PPP2R2C: variants seen among roughly 807,000 people sequenced by gnomAD.
PPP2R2C encodes the protein protein phosphatase 2 regulatory subunit Bgamma.
Under a neutral mutation model 45.3 loss-of-function variants are expected in PPP2R2C, and 10 were observed. The observed-to-expected ratio is 0.22, with a 90% confidence interval of 0.14 to 0.37. The LOEUF (loss-of-function observed/expected upper bound fraction) is 0.37, where lower values mean the gene tolerates loss of function less well. Among genes scored for constraint, PPP2R2C ranks in the 10% least tolerant of loss-of-function variants. PPP2R2C has a pLI of 1.00. For missense variants in PPP2R2C, 308 were observed against 619.7 expected, an observed-to-expected ratio of 0.50 and a Z score of 5.34; for synonymous variants, 257 against 245.4, an observed-to-expected ratio of 1.05 and a Z score of -0.44.
chr4:6,363,841 T>G (rs1175784038), intron 5 of PPP2R2C, among the ~76,000 whole-genome samples: 1 of 152,132 alleles, frequency 6.6e-6, no homozygotes, highest in African/African-American at 2.4e-5. Context: ...AAGGGGAAAC[T>G]GGTGTCCAGG....
At chr4:6,520,166 G>T (rs1723968787) in intron 2 of PPP2R2C, among the ~76,000 whole-genome samples, 1 of 152,038 alleles carries the variant, frequency 6.6e-6, no homozygotes, top group Admixed American at 6.5e-5. Flanking sequence ...ACGCTGGGGA[G>T]TTGAGAGGGG....
intron 1 of PPP2R2C, chr4:6,420,947 A>C: frequency 1.0e-6 from 1 of 985,166 alleles, no homozygotes; most frequent in Non-Finnish European, 1.2e-6. Context: ...GCCACCTACC[A>C]GGCAGGCCTC....
In PPP2R2C at chr4:6,353,121, A is replaced by T. The variant is rs549347154; in HGVS notation, c.626-5111T>A. On this transcript the variant is annotated intron_variant, in intron 5 of 8. Transcript: ENST00000382599. Reference sequence around the variant, plus strand: ...AACTTGTGGCCCCCAGGACGGTGAGAATATATCTGTATTTTGAAGCCATGA... The same window carrying T: ...AACTTGTGGCCCCCAGGACGGTGAGTATATATCTGTATTTTGAAGCCATGA... 1.9e-3 allele frequency among the ~76,000 whole-genome samples: 283 copies of T among 152,094 alleles called. 4 individuals carry two copies. The highest frequency in any genetic ancestry group is 6.6e-3 in the African/African-American group (274 of 41,452).
At chr4:6,508,366 C>A (rs919734430) in intron 2 of PPP2R2C, among the ~76,000 whole-genome samples, 1 of 152,150 alleles carries the variant, frequency 6.6e-6, no homozygotes, top group Admixed American at 6.5e-5. Context: ...GTGGGCGAAT[C>A]ACGAGGTCAG....
In PPP2R2C at chr4:6,333,442, T is replaced by C. The variant is rs1052944467; in HGVS notation, c.960+120A>G. 11 of 1,164,892 alleles carry C rather than the reference T, an allele frequency of 9.4e-6. No homozygotes were observed. The African/African-American group carries it at 1.7e-4, about 18-fold the overall frequency. 72.2% of individuals were successfully genotyped at this position (1,164,892 alleles called of 1,614,324 possible). On this transcript the variant is annotated intron_variant, in intron 7 of 8. Transcript: ENST00000382599. ...AGTTGCTGGATTTCTTCAGCCTCCGTGTCTTCACCTACATACCGGGCATAT... is the reference window on the plus strand; with the variant it reads ...AGTTGCTGGATTTCTTCAGCCTCCGCGTCTTCACCTACATACCGGGCATAT...
chr4:6,349,611 C>A, intron 5 of PPP2R2C: 1 of 981,988 alleles, frequency 1.0e-6, no homozygotes, highest in Non-Finnish European at 1.2e-6. Context: ...GAGGCCGAGG[C>A]GGGCGGATCA....
In PPP2R2C at chr4:6,332,387, C is replaced by T. The variant is rs1732477678; in HGVS notation, c.960+1175G>A. ...AGGGGGCCTGAGGGAGGAGCTGGGG[C>T]AGTCGCAAGAACTCAAGTAAACACA... On this transcript the variant is annotated intron_variant, in intron 7 of 8. Coordinates refer to ENST00000382599, the MANE Select transcript of PPP2R2C (RefSeq NM_020416.4). The surrounding 1 kb of genome is among the most constrained non-coding windows in gnomAD (Gnocchi z 4.9). 6.6e-6 allele frequency among the ~76,000 whole-genome samples: 1 copy of T among 152,126 alleles called. No individual in the cohort carries two copies. Among genetic ancestry groups the T allele is most frequent in the Middle Eastern group, 3.2e-3 (1 of 316 alleles).
chr4:6,529,727 C>A (rs1403649781), intron 2 of PPP2R2C, among the ~76,000 whole-genome samples: 1 of 152,230 alleles, frequency 6.6e-6, no homozygotes, highest in African/African-American at 2.4e-5. Context: ...AGCCCTAGGT[C>A]TGCTTTGCCC....
At chr4:6,424,623 C>T (rs893588154) in intron 1 of PPP2R2C, among the ~76,000 whole-genome samples, 1 of 152,172 alleles carries the variant, frequency 6.6e-6, no homozygotes, top group Non-Finnish European at 1.5e-5. Context: ...CCAATGCCTC[C>T]TCCAGAGGCG....
intron 6 of PPP2R2C, among the ~76,000 whole-genome samples, chr4:6,344,515 A>G (rs1577086128): frequency 6.6e-6 from 1 of 152,178 alleles, no homozygotes; most frequent in African/African-American, 2.4e-5. Context: ...CCTCTAGCCC[A>G]CTGAAAAATG....
At chr4:6,430,435 G>C (rs1719551240) in intron 1 of PPP2R2C, among the ~76,000 whole-genome samples, 2 of 152,312 alleles carry the variant, frequency 1.3e-5, no homozygotes, top group Non-Finnish European at 2.9e-5. Flanking sequence ...TCCAAGAGGA[G>C]AGAAATGACT....
intron 1 of PPP2R2C, among the ~76,000 whole-genome samples, chr4:6,387,935 T>C (rs780149880): frequency 1.3e-5 from 2 of 152,176 alleles, no homozygotes; most frequent in Non-Finnish European, 2.9e-5. Context: ...ACAAGGAAAC[T>C]TGGTCAAACT....
At chr4:6,464,121 T>A (rs548519384) in intron 1 of PPP2R2C, among the ~76,000 whole-genome samples, 7 of 152,234 alleles carry the variant, frequency 4.6e-5, no homozygotes, top group African/African-American at 1.7e-4. Flanking sequence ...AATGGGGAAA[T>A]AATATACACA....
chr4:6,350,995 G>A (rs1050390522), intron 5 of PPP2R2C: 1 of 985,324 alleles, frequency 1.0e-6, no homozygotes, highest in African/African-American at 1.7e-5. Context: ...ACCTGGGGAT[G>A]TTTCAGAACT....
intron 1 of PPP2R2C, among the ~76,000 whole-genome samples, chr4:6,427,689 T>C (rs970725896): frequency 7.2e-5 from 11 of 152,236 alleles, no homozygotes; most frequent in Non-Finnish European, 2.9e-5. Flanking sequence ...GTGATGGATC[T>C]GTTTACACAT....
chr4:6,541,458 G>A (rs757773975), intron 1 of PPP2R2C, among the ~76,000 whole-genome samples: 14 of 152,228 alleles, frequency 9.2e-5, no homozygotes, highest in Non-Finnish European at 1.8e-4. Flanking sequence ...ACACAGGAGC[G>A]CTGGAGCAGA....
At chr4:6,482,668 A>G (rs1722395874) in intron 2 of PPP2R2C, among the ~76,000 whole-genome samples, 1 of 152,216 alleles carries the variant, frequency 6.6e-6, no homozygotes, top group Non-Finnish European at 1.5e-5. Context: ...CTACGTAGAC[A>G]ATTATGTCAT....
chr4:6,508,979 C>T (rs890593342), intron 2 of PPP2R2C, among the ~76,000 whole-genome samples: 5 of 152,240 alleles, frequency 3.3e-5, no homozygotes, highest in African/African-American at 1.2e-4. Context: ...AATAAACTTT[C>T]ACTCCAGCTC....
intron 1 of PPP2R2C, among the ~76,000 whole-genome samples, chr4:6,547,330 G>C (rs1377911496): frequency 1.3e-5 from 2 of 151,480 alleles, no homozygotes; most frequent in African/African-American, 4.9e-5. Context: ...TCATCTAGTA[G>C]AGTCCCTAAT....
Sources: allele counts gnomAD v4.1 joint callset (sites outside exome capture counted in the v4.1 genomes callset), GRCh38; gene constraint gnomAD v4.1.1; non-coding constraint Gnocchi (gnomAD v3.1); transcripts MANE v1.5; gene names NCBI Gene and HGNC (gene_info 2026-07-23, HGNC 2026-07-21).